LRRC9: variants seen among roughly 807,000 people sequenced by gnomAD.
LRRC9 encodes leucine-rich repeat-containing protein 9.
A neutral mutation model predicts 63.2 loss-of-function variants in LRRC9; 122 were observed. The observed-to-expected ratio is 1.93, with a 90% confidence interval of 1.67 to 2.24. LRRC9 has a LOEUF of 2.24. Among genes scored for constraint, LRRC9 ranks in the 30% most tolerant of loss-of-function variants. The pLI is 0.00. For synonymous variants in LRRC9, 366 were observed against 213.1 expected (o/e 1.72, Z -6.25); for missense variants, 1,071 against 627.7 (o/e 1.71, Z -7.55).
rs1410245066 is a variant in LRRC9, at chr14:60,053,188, C to G, written c.4114C>G (p.Gln1372Glu). The change falls in exon 30 of 32, where the codon CAA becomes GAA. Residue 1372 changes from glutamine (Q) to glutamate (E), a missense_variant. By Grantham distance (29) the Gln-to-Glu change is conservative. Coordinates refer to ENST00000445360, the Ensembl canonical transcript of LRRC9. The surrounding 1 kb of genome is among the most constrained non-coding windows in gnomAD (Gnocchi z 4.8). The stretch of plus-strand genomic sequence containing the variant: ...AGCTGAATTTCACCTCGCTGAACTA[C>G]AAGCAAAGAAAAACTCGGTAATAAT... The G allele has an allele frequency of 1.4e-6, 1 of 698,806 alleles. No homozygotes were observed. The highest frequency in any genetic ancestry group is 2.6e-6 in the Non-Finnish European group (1 of 383,068). The allele number at this position is 698,806 out of a possible 1,614,324, so 43.3% of individuals were successfully genotyped here.
chr14:60,022,156 TGTTA>T (rs1345790965), intron 26 of LRRC9, among the ~76,000 whole-genome samples: 1 of 151,810 alleles, frequency 6.6e-6, no homozygotes, highest in Non-Finnish European at 1.5e-5. Context: ...TTTAGATCTT[TGTTA>T]ATTTCTCTCA....
intron 8 of LRRC9, among the ~76,000 whole-genome samples, chr14:59,953,673 C>G (rs1883412462): frequency 6.6e-6 from 1 of 152,144 alleles, no homozygotes; most frequent in African/African-American, 2.4e-5. Flanking sequence ...TATTAGATCC[C>G]ATTTGTCAAT....
At chr14:60,064,456 G>A (rs1236297420), downstream of LRRC9, among the ~76,000 whole-genome samples, 1 of 152,116 alleles carries the variant, frequency 6.6e-6, no homozygotes, top group East Asian at 1.9e-4. Context: ...TCTGGAAATA[G>A]TTTTAAAGGT....
chr14:60,050,743 G>C (rs774080433), intron 29 of LRRC9, among the ~76,000 whole-genome samples: 19 of 152,066 alleles, frequency 1.2e-4, no homozygotes, highest in Non-Finnish European at 2.2e-4. Flanking sequence ...GCTGAGCTTT[G>C]AGTGGGGCTT....
chr14:60,020,063 A>G (rs1003957563), intron 26 of LRRC9, among the ~76,000 whole-genome samples: 1 of 151,852 alleles, frequency 6.6e-6, no homozygotes, highest in Non-Finnish European at 1.5e-5. Flanking sequence ...CCTCTACCAC[A>G]ATCAAAATAC....
At chr14:59,954,972 C>G (rs879380263) in intron 8 of LRRC9, among the ~76,000 whole-genome samples, 2 of 152,158 alleles carry the variant, frequency 1.3e-5, no homozygotes, top group East Asian at 1.9e-4. Flanking sequence ...GTTGAACCGG[C>G]CTTGCATCCC....
At chr14:59,997,550 AG>A (rs1888928630) in intron 17 of LRRC9, 105 bp from the exon 18 acceptor site, 2 of 564,984 alleles carry the variant, frequency 3.5e-6, no homozygotes, top group Non-Finnish European at 6.3e-6. Context: ...GTGTCCTGTG[AG>A]GATTACCAGG....
exon 20 of LRRC9, chr14:60,002,074 C>T: frequency 1.4e-6 from 1 of 700,956 alleles, no homozygotes. Context: ...ACCTCATTTA[C>T]ATCTGAGTGG....
At chr14:60,049,273 A>G (rs867999341) in intron 29 of LRRC9, among the ~76,000 whole-genome samples, 1 of 152,088 alleles carries the variant, frequency 6.6e-6, no homozygotes, top group African/African-American at 2.4e-5. Context: ...TAGTATTGTT[A>G]TGTGTGAATT....
intron 30 of LRRC9, among the ~76,000 whole-genome samples, chr14:60,057,194 G>A (rs1488596044): frequency 6.6e-6 from 1 of 152,100 alleles, no homozygotes; most frequent in East Asian, 1.9e-4. Flanking sequence ...TATAAACAAG[G>A]TCAGTCTTAA....
intron 26 of LRRC9, among the ~76,000 whole-genome samples, chr14:60,021,699 A>G (rs1891128922): frequency 6.6e-6 from 1 of 151,816 alleles, no homozygotes; most frequent in Non-Finnish European, 1.5e-5. Context: ...CTATTTTTGT[A>G]TGTGGATATT....
At chr14:59,939,090 T>TATATGTATATAC (rs1459904961) in intron 7 of LRRC9, among the ~76,000 whole-genome samples, 1 of 146,890 alleles carries the variant, frequency 6.8e-6, no homozygotes, top group African/African-American at 2.5e-5. Flanking sequence ...TACACATATA[T>TATATGTATATAC]ACATATATAT....
downstream of LRRC9, among the ~76,000 whole-genome samples, chr14:60,064,505 T>A (rs1894830485): frequency 6.6e-6 from 1 of 152,182 alleles, no homozygotes; most frequent in South Asian, 2.1e-4. Context: ...TATGCAACAA[T>A]TTTGTATTTT....
In LRRC9 at chr14:59,952,631, GTTA is replaced by G. The variant is rs535220701; in HGVS notation, c.883-7184_883-7182del. Reference sequence around the variant, plus strand: ...TATAGAGTACAATTTATCTGTTGTTGTTATTGTTGTTGTTGTTGCTTTTATTTT... The same window carrying G: ...TATAGAGTACAATTTATCTGTTGTTGTTGTTGTTGTTGTTGCTTTTATTTT... On this transcript the variant is annotated intron_variant, in intron 8 of 31. Transcript: ENST00000445360. Among the ~76,000 whole-genome samples the G allele has an allele frequency of 1.2e-3, 183 of 152,172 alleles. 1 individual carries two copies. Among genetic ancestry groups the G allele is most frequent in the Middle Eastern group, 0.01 (3 of 294 alleles).
chr14:59,962,780 GA>G lies in LRRC9; in HGVS notation c.1211+1748del, dbSNP rs34322011. 0.034 allele frequency among the ~76,000 whole-genome samples: 4,832 copies of G among 140,456 alleles called. 204 individuals carry two copies. The highest frequency in any genetic ancestry group is 0.19 in the East Asian group (955 of 5,002). 92.1% of individuals were successfully genotyped at this position (140,456 alleles called of 152,430 possible). On this transcript the variant is annotated intron_variant, in intron 10 of 31. Coordinates refer to ENST00000445360, the Ensembl canonical transcript of LRRC9. This position sits in a 1 kb window ranked among gnomAD's most constrained non-coding sequence, Gnocchi z 5.1. The stretch of plus-strand genomic sequence containing the variant: ...AACTCTTTGCAACAAGTGGATTAGT[GA>G]AAAAAAAAAAAATGTAAAAGCAAAA...
At chr14:60,018,047 T>C (rs1261074239) in intron 24 of LRRC9, among the ~76,000 whole-genome samples, 1 of 152,114 alleles carries the variant, frequency 6.6e-6, no homozygotes, top group Non-Finnish European at 1.5e-5. Flanking sequence ...TATGATTTCA[T>C]AAACATATAT....
At chr14:60,057,653 GAAAAAA>G in intron 30 of LRRC9, 1 of 222,638 alleles carries the variant, frequency 4.5e-6, no homozygotes, top group Non-Finnish European at 8.3e-6. Flanking sequence ...AATGCAGTCT[GAAAAAA>G]AAAAAAAAAA....
chr14:59,923,013 G>A lies in LRRC9; in HGVS notation c.-34+3130G>A, dbSNP rs1446214923. 6.6e-6 allele frequency among the ~76,000 whole-genome samples: 1 copy of A among 152,174 alleles called. No individual in the cohort carries two copies. Among genetic ancestry groups the A allele is most frequent in the Non-Finnish European group, 1.5e-5 (1 of 68,022 alleles). On this transcript the variant is annotated intron_variant, in intron 1 of 31. Transcript: ENST00000445360. This position sits in a 1 kb window ranked among gnomAD's most constrained non-coding sequence, Gnocchi z 4.2. ...AGTTCCTGGTGGCTTCTGGTTTTGT[G>A]GGGGAACTAGAGATGACCTTTAGCC...
At position 59,980,248 on chromosome 14, in the gene LRRC9, C is replaced by A. The variant is rs117388123; in HGVS notation, c.1879-1600C>A. On this transcript the variant is annotated intron_variant, in intron 15 of 31. Coordinates refer to ENST00000445360, the Ensembl canonical transcript of LRRC9. ...AAATGAATAAATACTTAGGCATTAT[C>A]TTTTCTGCTCTATTTCAAAATACAA... 2.1e-4 allele frequency among the ~76,000 whole-genome samples: 32 copies of A among 152,124 alleles called. No individual in the cohort carries two copies. The East Asian group carries it at 6.2e-3, about 29-fold the overall frequency.
Sources: gnomAD v4.1 joint callset for allele counts (sites outside exome capture counted in the v4.1 genomes callset) on GRCh38, gnomAD v4.1.1 for gene constraint, Gnocchi (gnomAD v3.1) non-coding constraint, MANE v1.5 for transcripts, NCBI Gene and HGNC (gene_info 2026-07-23, HGNC 2026-07-21) for gene names.